RAPGEF5: variants seen among roughly 807,000 people sequenced by gnomAD.
The protein encoded by RAPGEF5 is Rap guanine nucleotide exchange factor 5.
In RAPGEF5, 65 loss-of-function variants were observed where a neutral mutation model predicts 125.2. The observed-to-expected ratio is 0.52, with a 90% CI of 0.43 to 0.64. RAPGEF5 has a LOEUF of 0.64. RAPGEF5 is among the 30% of genes least tolerant of loss of function. The pLI is 0.00. For missense variants in RAPGEF5, 958 were observed against 1,048.1 expected, an observed-to-expected ratio of 0.91 and a Z score of 1.19; for synonymous variants, 391 against 385.9, an observed-to-expected ratio of 1.01 and a Z score of -0.16.
At chr7:22,192,794 C>A (rs1030041261) in intron 11 of RAPGEF5, 1 of 152,952 alleles carries the variant, frequency 6.5e-6, no homozygotes, top group Non-Finnish European at 1.5e-5. Context: ...GAAGTCTGAT[C>A]GATAAGGCTT....
chr7:22,211,305 AAT>A lies in RAPGEF5; in HGVS notation c.996+8559_996+8560del, dbSNP rs1284895023. ...GAAATCACCAAACTTTGGCTGAATC[AAT>A]ATGAGGCAAATATACAGCACAGTAA... On this transcript the variant is annotated intron_variant, in intron 9 of 25. Coordinates refer to ENST00000665637, the MANE Select transcript of RAPGEF5 (RefSeq NM_012294.5). 3.3e-5 allele frequency among the ~76,000 whole-genome samples: 5 copies of A among 152,354 alleles called. No homozygotes were observed. The East Asian group carries it at 9.6e-4, about 29-fold the overall frequency.
intron 11 of RAPGEF5, among the ~76,000 whole-genome samples, chr7:22,172,161 C>T (rs1583444484): frequency 6.6e-6 from 1 of 151,896 alleles, no homozygotes; most frequent in East Asian, 2.0e-4. Context: ...CTCACTCTGG[C>T]ACCCAGGCTG....
chr7:22,279,489 A>G (rs1782627959), intron 6 of RAPGEF5, among the ~76,000 whole-genome samples: 1 of 152,198 alleles, frequency 6.6e-6, no homozygotes, highest in African/African-American at 2.4e-5. Flanking sequence ...ATATTAAATG[A>G]GATTTGTCCT....
At chr7:22,343,233 T>A (rs1486818919) in intron 1 of RAPGEF5, among the ~76,000 whole-genome samples, 2 of 152,120 alleles carry the variant, frequency 1.3e-5, no homozygotes, top group African/African-American at 4.8e-5. Flanking sequence ...TTATTCACTA[T>A]CACAAGAACA....
At position 22,315,282 on chromosome 7, in the gene RAPGEF5, T is replaced by A. The variant is rs2128154371; in HGVS notation, c.389+88A>T. 3.5e-6 allele frequency: 5 copies of A among 1,442,298 alleles called. No individual in the cohort carries two copies. In the East Asian group the frequency reaches 1.4e-4, roughly 42 times the overall value. 89.3% of individuals were successfully genotyped at this position (1,442,298 alleles called of 1,614,324 possible). ...CCTCCTACTACTGATATTGTCCACC[T>A]CTCTTTGATCAAGGTTACAATTTTA... On this transcript the variant is annotated intron_variant, in intron 3 of 25. Transcript: ENST00000665637.
In RAPGEF5 at chr7:22,246,658, T is replaced by C. The variant is rs916568622; in HGVS notation, c.797-15739A>G. On this transcript the variant is annotated intron_variant, in intron 7 of 25. Coordinates refer to ENST00000665637, the MANE Select transcript of RAPGEF5 (RefSeq NM_012294.5). ...ACCTGGGAAGCACCATTGTGGACAT[T>C]AGCCTTGGCAAAAAAAAATTATTAC... is the stretch of plus-strand genomic sequence containing the variant. 4.0e-5 allele frequency among the ~76,000 whole-genome samples: 6 copies of C among 151,830 alleles called. 1 individual carries two copies. The East Asian group carries it at 9.6e-4, about 24-fold the overall frequency.
intron 7 of RAPGEF5, among the ~76,000 whole-genome samples, chr7:22,257,966 A>T (rs1261534867): frequency 6.6e-6 from 1 of 152,216 alleles, no homozygotes; most frequent in Non-Finnish European, 1.5e-5. Context: ...ATAATATGGG[A>T]AAAAAGGAAT....
chr7:22,274,536 C>T (rs2528914), intron 6 of RAPGEF5, among the ~76,000 whole-genome samples: 35,950 of 151,878 alleles, frequency 0.24, 4,946 homozygotes, highest in African/African-American at 0.38. Flanking sequence ...TGTTATGTTG[C>T]CCAGACTGGT....
At chr7:22,190,217 T>C (rs1406105287) in intron 11 of RAPGEF5, among the ~76,000 whole-genome samples, 1 of 151,868 alleles carries the variant, frequency 6.6e-6, no homozygotes, top group Admixed American at 6.6e-5. Flanking sequence ...GAGTCAGAGG[T>C]TGCAGTGAGC....
At chr7:22,283,539 A>T (rs1253413226) in intron 6 of RAPGEF5, among the ~76,000 whole-genome samples, 1 of 152,204 alleles carries the variant, frequency 6.6e-6, no homozygotes. Context: ...TATTTTAAAG[A>T]AATGCACAAA....
At chr7:22,285,110 C>A (rs369539714) in intron 6 of RAPGEF5, among the ~76,000 whole-genome samples, 6 of 152,184 alleles carry the variant, frequency 3.9e-5, no homozygotes, top group African/African-American at 1.4e-4. Flanking sequence ...GAGTACCAGT[C>A]GTTTATCCTA....
chr7:22,322,531 T>C (rs1012912029), intron 1 of RAPGEF5, among the ~76,000 whole-genome samples: 1 of 152,160 alleles, frequency 6.6e-6, no homozygotes, highest in South Asian at 2.1e-4. Context: ...ATTTTGTAGA[T>C]GACAAAACTA....
intron 8 of RAPGEF5, among the ~76,000 whole-genome samples, chr7:22,223,734 G>A (rs1160526715): frequency 6.6e-6 from 1 of 152,106 alleles, no homozygotes; most frequent in Non-Finnish European, 1.5e-5. Context: ...TAAATATGCA[G>A]GTACGTTGGC....
chr7:22,294,662 C>T (rs1283839351), intron 5 of RAPGEF5, among the ~76,000 whole-genome samples: 2 of 152,158 alleles, frequency 1.3e-5, no homozygotes, highest in African/African-American at 4.8e-5. Flanking sequence ...GAACCCCTTT[C>T]TCTCATACTC....
At chr7:22,129,355 C>A (rs569734816) in intron 24 of RAPGEF5, among the ~76,000 whole-genome samples, 1 of 152,114 alleles carries the variant, frequency 6.6e-6, no homozygotes, top group Non-Finnish European at 1.5e-5. Flanking sequence ...GATTACTAGG[C>A]CTTTCCAGGG....
At chr7:22,245,549 C>A (rs1786454847) in intron 7 of RAPGEF5, among the ~76,000 whole-genome samples, 1 of 152,084 alleles carries the variant, frequency 6.6e-6, no homozygotes, top group South Asian at 2.1e-4. Flanking sequence ...AGTTTCCCAG[C>A]ACCAATTAAA....
At chr7:22,197,409 T>C (rs1436699932) in intron 9 of RAPGEF5, among the ~76,000 whole-genome samples, 2 of 152,224 alleles carry the variant, frequency 1.3e-5, no homozygotes, top group Non-Finnish European at 2.9e-5. Context: ...TAACACGAGT[T>C]CCAATGCTGT....
Position 22,203,947 on chromosome 7 carries a change from A to G in RAPGEF5, c.997-9914T>C, listed in dbSNP as rs777239602. Among the ~76,000 whole-genome samples the G allele has an allele frequency of 1.9e-4, 29 of 152,210 alleles. 1 individual carries two copies. The highest frequency in any genetic ancestry group is 7.2e-4 in the Admixed American group (11 of 15,268). On this transcript the variant is annotated intron_variant, in intron 9 of 25. Coordinates refer to ENST00000665637, the MANE Select transcript of RAPGEF5 (RefSeq NM_012294.5). Reference sequence around the variant, plus strand: ...AAATGTAGAAGAAGAAAGGGAAAAAAATTGCCAGTAACCCGAATCACTGCT... The same window carrying G: ...AAATGTAGAAGAAGAAAGGGAAAAAGATTGCCAGTAACCCGAATCACTGCT...
chr7:22,139,013 G>A (rs1419561746), intron 21 of RAPGEF5, among the ~76,000 whole-genome samples: 1 of 152,146 alleles, frequency 6.6e-6, no homozygotes, highest in Non-Finnish European at 1.5e-5. Flanking sequence ...GCCCCTTTAA[G>A]GAGGACTGAC....
Sources: allele counts gnomAD v4.1 joint callset (sites outside exome capture counted in the v4.1 genomes callset), GRCh38; gene constraint gnomAD v4.1.1; transcripts MANE v1.5; gene names NCBI Gene and HGNC (gene_info 2026-07-23, HGNC 2026-07-21).